The following PSTPIP2 variants were observed in gnomAD, a reference collection of about 807,000 sequenced individuals.
The protein encoded by PSTPIP2 is proline-serine-threonine phosphatase interacting protein 2, also known as proline-serine-threonine phosphatase-interacting protein 2.
A neutral mutation model predicts 63.3 loss-of-function variants in PSTPIP2; 33 were observed. That is an observed-to-expected ratio of 0.52 (90% CI 0.40 to 0.70). The LOEUF (loss-of-function observed/expected upper bound fraction) is 0.70. PSTPIP2 is among the 30% of genes least tolerant of loss of function. The pLI is 0.00. For missense variants in PSTPIP2, 312 were observed against 400.7 expected (o/e 0.78, Z 1.89); for synonymous variants, 125 against 132.7 (o/e 0.94, Z 0.40).
intron 1 of PSTPIP2, among the ~76,000 whole-genome samples, chr18:46,042,876 C>G (rs1908241536): frequency 1.3e-5 from 2 of 152,146 alleles, no homozygotes; most frequent in Admixed American, 1.3e-4. Flanking sequence ...CAGACAAGTC[C>G]TCCACCACTT....
At chr18:45,998,022 G>T (rs1403326338) in intron 8 of PSTPIP2, among the ~76,000 whole-genome samples, 194 bp from the exon 9 acceptor site, 1 of 151,838 alleles carries the variant, frequency 6.6e-6, no homozygotes, top group African/African-American at 2.4e-5. Context: ...GGCAAAGGAG[G>T]GTATCACTTT....
At chr18:46,009,324 G>A (rs1428567213) in intron 5 of PSTPIP2, among the ~76,000 whole-genome samples, 1 of 121,026 alleles carries the variant, frequency 8.3e-6, no homozygotes, top group African/African-American at 3.2e-5. Flanking sequence ...AAAATGAGAA[G>A]TTAGCATTGG....
At chr18:46,025,426 C>A (rs1041701909) in intron 2 of PSTPIP2, among the ~76,000 whole-genome samples, 2 of 152,200 alleles carry the variant, frequency 1.3e-5, no homozygotes, top group African/African-American at 4.8e-5. Context: ...TCCCCAGGGG[C>A]AGCCACTGCC....
chr18:46,036,557 G>T (rs1907986975), intron 2 of PSTPIP2, among the ~76,000 whole-genome samples: 1 of 152,210 alleles, frequency 6.6e-6, no homozygotes, highest in Non-Finnish European at 1.5e-5. Flanking sequence ...GCAAGAATCT[G>T]CCCTGTGGGT....
At chr18:46,003,328 G>A (rs1418669927) in intron 6 of PSTPIP2, among the ~76,000 whole-genome samples, 2 of 152,162 alleles carry the variant, frequency 1.3e-5, no homozygotes, top group Non-Finnish European at 2.9e-5. Flanking sequence ...GGGAGTGAAA[G>A]TCCTGGTCCC....
Position 45,998,793 on chromosome 18 carries a change from C to T in PSTPIP2, c.562+1G>A, listed in dbSNP as rs972961581. Reference sequence around the variant, plus strand: ...CCCATCCGTAGGAACTGCCCCCTCACCTGAGTCCTCTACTGCGGTCTTTGA... The same window carrying T: ...CCCATCCGTAGGAACTGCCCCCTCATCTGAGTCCTCTACTGCGGTCTTTGA... On this transcript the variant is annotated splice_donor_variant, in intron 8 of 14. Coordinates refer to ENST00000409746, the MANE Select transcript of PSTPIP2 (RefSeq NM_024430.4). LOFTEE classifies it high-confidence loss of function. The T allele has an allele frequency of 1.2e-6, 2 of 1,613,962 alleles. No individual in the cohort carries two copies. Among genetic ancestry groups the T allele is most frequent in the African/African-American group, 2.7e-5 (2 of 75,004 alleles).
Position 45,990,706 on chromosome 18 carries a change from T to TTAAAAAGA in PSTPIP2, c.955+15_955+16insTCTTTTTA, listed in dbSNP as rs763655246. ...TGCAATATAAGAATTTCAAAAGACC[T>TTAAAAAGA]TTTTTAGTGGCATACCTGGTGAGCT... On this transcript the variant is annotated intron_variant, in intron 13 of 14. Transcript: ENST00000409746. The TTAAAAAGA allele has an allele frequency of 6.9e-6, 11 of 1,595,628 alleles. No homozygotes were observed. The highest frequency in any genetic ancestry group is 9.4e-6 in the Non-Finnish European group (11 of 1,165,106).
At chr18:45,990,194 G>A (rs190708013) in intron 13 of PSTPIP2, among the ~76,000 whole-genome samples, 32 of 152,162 alleles carry the variant, frequency 2.1e-4, no homozygotes, top group Admixed American at 5.9e-4. Flanking sequence ...CTTGCAATAA[G>A]TTTCTTTTGG....
At chr18:46,033,458 G>A (rs1907853738) in intron 2 of PSTPIP2, among the ~76,000 whole-genome samples, 1 of 152,146 alleles carries the variant, frequency 6.6e-6, no homozygotes, top group Admixed American at 6.6e-5. Flanking sequence ...AGCACTTTGG[G>A]AGGCCAAGGC....
At chr18:46,012,439 TA>T (rs1287819353) in intron 4 of PSTPIP2, among the ~76,000 whole-genome samples, 1 of 152,176 alleles carries the variant, frequency 6.6e-6, no homozygotes, top group Non-Finnish European at 1.5e-5. Context: ...TATAACAGCA[TA>T]AAAACTCATT....
intron 8 of PSTPIP2, 83 bp downstream of exon 8, chr18:45,998,711 A>G (rs1305637713): frequency 7.1e-7 from 1 of 1,414,666 alleles, no homozygotes; most frequent in African/African-American, 1.4e-5. Context: ...AAGGTATATA[A>G]AACTCCCTTT....
chr18:45,998,736 T>C (rs1599701614), intron 8 of PSTPIP2, 58 bp downstream of exon 8: 2 of 1,545,360 alleles, frequency 1.3e-6, no homozygotes, highest in East Asian at 4.5e-5. Flanking sequence ...GGGACACATT[T>C]AGGATAACGT....
intron 2 of PSTPIP2, among the ~76,000 whole-genome samples, chr18:46,031,287 T>C (rs562741224): frequency 6.6e-6 from 1 of 152,322 alleles, no homozygotes; most frequent in East Asian, 1.9e-4. Flanking sequence ...ATGGCTGTTA[T>C]GTGATTTGGC....
chr18:45,985,530 A>C (rs1431677622), intron 14 of PSTPIP2, 80 bp from the exon 15 acceptor site: 6 of 1,483,058 alleles, frequency 4.0e-6, no homozygotes, highest in Non-Finnish European at 5.6e-6. Context: ...AGTATATTCA[A>C]CAAGAATAAG....
intron 2 of PSTPIP2, among the ~76,000 whole-genome samples, chr18:46,033,452 C>T (rs1357102252): frequency 1.3e-5 from 2 of 152,134 alleles, no homozygotes; most frequent in African/African-American, 4.8e-5. Context: ...AATCCCAGCA[C>T]TTTGGGAGGC....
chr18:46,033,435 C>T (rs1054882048), intron 2 of PSTPIP2, among the ~76,000 whole-genome samples: 2 of 152,156 alleles, frequency 1.3e-5, no homozygotes, highest in Non-Finnish European at 1.5e-5. Context: ...TGGTAGCTCA[C>T]ACCTATAATC....
intron 6 of PSTPIP2, among the ~76,000 whole-genome samples, chr18:46,004,191 T>C (rs1321509459): frequency 2.6e-5 from 4 of 152,240 alleles, no homozygotes; most frequent in African/African-American, 9.6e-5. Context: ...TACACTGACA[T>C]CATTCCCTAT....
intron 1 of PSTPIP2, among the ~76,000 whole-genome samples, chr18:46,052,515 A>C (rs9950343): frequency 0.12 from 18,380 of 152,120 alleles, 1,431 homozygotes; most frequent in East Asian, 0.4. Flanking sequence ...ACCTTGGCTT[A>C]CCTCTTTATC....
chr18:45,988,583 C>T, intron 14 of PSTPIP2, 119 bp downstream of exon 14: 1 of 836,270 alleles, frequency 1.2e-6, no homozygotes, highest in East Asian at 2.6e-5. Context: ...GGCCAGTGTA[C>T]CTGCCTCATG....
Sources: gnomAD v4.1 joint callset for allele counts (sites outside exome capture counted in the v4.1 genomes callset) on GRCh38, gnomAD v4.1.1 for gene constraint, MANE v1.5 for transcripts, NCBI Gene and HGNC (gene_info 2026-07-23, HGNC 2026-07-21) for gene names.